TEP1: variants seen among roughly 807,000 people sequenced by gnomAD.
The protein encoded by TEP1 is telomerase protein component 1.
In TEP1, 241 loss-of-function variants were observed where a neutral mutation model predicts 306.3. That is an observed-to-expected ratio of 0.79 (90% confidence interval 0.71 to 0.88). The LOEUF (loss-of-function observed/expected upper bound fraction) is 0.88. TEP1 is among the 40% of genes least tolerant of loss of function. The probability of loss-of-function intolerance (pLI) is 0.00; values close to 1 mark genes in which losing one functional copy is unlikely to be tolerated. For synonymous variants in TEP1, 1,289 were observed against 1,305.5 expected (o/e 0.99, Z 0.27); for missense variants, 3,051 against 3,276.1 (o/e 0.93, Z 1.68).
intron 12 of TEP1, 147 bp downstream of exon 12, chr14:20,395,303 G>C: frequency 1.5e-6 from 1 of 677,430 alleles, no homozygotes; most frequent in Non-Finnish European, 2.4e-6. Flanking sequence ...AAGGTGTGCT[G>C]TGCAAGAAAC....
intron 9 of TEP1, among the ~76,000 whole-genome samples, chr14:20,400,133 G>A (rs112730924): frequency 0.071 from 6,094 of 85,550 alleles, 138 homozygotes; most frequent in South Asian, 0.12. Context: ...GCAAAACTCC[G>A]TCTCAAAAAA....
chr14:20,372,814 G>A lies in TEP1; in HGVS notation c.6995C>T (p.Thr2332Ile). ...IGALIWSSAH[T>I]FFVLSADEKI... ...CTCATCAGCACTGAGGACAAAAAAG[G>A]TGTGTGCCGAGGACCAGATCAGAGC... The change falls in exon 49 of 55, where the codon ACC (threonine) becomes ATC (isoleucine). Residue 2332 changes from threonine (T) to isoleucine (I), a missense_variant. Thr to Ile is a moderately conservative substitution (Grantham distance 89). This residue lies in a region of TEP1 where 1,540 missense variants were observed against 1,705.9 expected (regional missense o/e 0.90). Transcript: ENST00000262715. The A allele has an allele frequency of 6.2e-7, 1 of 1,614,192 alleles. No individual in the cohort carries two copies. Among genetic ancestry groups the A allele is most frequent in the South Asian group, 1.1e-5 (1 of 91,088 alleles).
In TEP1 at chr14:20,378,829, C is replaced by T. The variant is rs950582355; in HGVS notation, c.5277G>A (p.Gln1759=). 29 of 1,614,098 alleles carry T rather than the reference C, an allele frequency of 1.8e-5. No homozygotes were observed. The highest frequency in any genetic ancestry group is 2.5e-5 in the Non-Finnish European group (29 of 1,180,054). Residue 1759 remains glutamine, a synonymous_variant, in exon 37 of 55, where the codon CAG becomes CAA. Coordinates refer to ENST00000262715, the MANE Select transcript of TEP1 (RefSeq NM_007110.5). The part of the protein sequence containing the change: ...GCRVLQTKAH[Q]YQITGCCLSP... ...TCAGGCAGCAGCCAGTGATTTGGTACTGGTGAGCCTTAGTCTGCAGCACCC... is the reference window on the plus strand; with the variant it reads ...TCAGGCAGCAGCCAGTGATTTGGTATTGGTGAGCCTTAGTCTGCAGCACCC...
intron 8 of TEP1, 113 bp downstream of exon 8, chr14:20,401,344 G>A: frequency 6.7e-7 from 1 of 1,484,514 alleles, no homozygotes; most frequent in Non-Finnish European, 9.1e-7. Context: ...TACAGGGCAT[G>A]TCTGTCTAAA....
At chr14:20,392,296 T>G (rs1218576389) in intron 12 of TEP1, among the ~76,000 whole-genome samples, 1 of 152,222 alleles carries the variant, frequency 6.6e-6, no homozygotes, top group Non-Finnish European at 1.5e-5. Flanking sequence ...AACAATTGGT[T>G]CACGCAAAGA....
intron 12 of TEP1, among the ~76,000 whole-genome samples, chr14:20,393,849 G>A (rs1209930426): frequency 2.0e-5 from 3 of 151,714 alleles, no homozygotes; most frequent in Non-Finnish European, 4.4e-5. Flanking sequence ...TGGTTTGGGA[G>A]GCCAAGGTGG....
chr14:20,385,050 G>T lies in TEP1; in HGVS notation c.3042C>A (p.Asn1014Lys). ...VTEMEVMQFL[N>K]RNQRLQPSAQ... is the part of the protein sequence containing the mutation. ...CAGAGGGCTGCAGACGTTGGTTCCG[G>T]TTCAGGAACTGCATCACCTCCATCT... Residue 1014 changes from asparagine (N) to lysine (K), a missense_variant, in exon 21 of 55, where the codon AAC (asparagine) becomes AAA (lysine). Asn to Lys is a moderately conservative substitution (Grantham distance 94, BLOSUM62 0). Around this residue, in one of 3 missense-constraint regions of TEP1, gnomAD observed 1,507 missense variants for 1,550.5 expected, o/e 0.97. Transcript: ENST00000262715. 6.2e-7 allele frequency: 1 copy of T among 1,614,192 alleles called. No homozygotes were observed. The highest frequency in any genetic ancestry group is 1.1e-5 in the South Asian group (1 of 91,090).
At chr14:20,382,179 A>G in intron 29 of TEP1, 45 bp downstream of exon 29, 1 of 1,613,710 alleles carries the variant, frequency 6.2e-7, no homozygotes, top group South Asian at 1.1e-5. Flanking sequence ...ATGTAATCCG[A>G]ACCCTGGCCC....
rs201690589 is a variant in TEP1, at chr14:20,383,146, A to C, written c.4047+28T>G. On this transcript the variant is annotated intron_variant, in intron 27 of 54. Transcript: ENST00000262715. ...CATAGCTCCCAGATTCACCCCACACACCCACCGGCCCCGGCCTAGAACCCA... is the reference window on the plus strand; with the variant it reads ...CATAGCTCCCAGATTCACCCCACACCCCCACCGGCCCCGGCCTAGAACCCA... The C allele has an allele frequency of 1.9e-6, 3 of 1,555,272 alleles. No homozygotes were observed. In the African/African-American group the frequency reaches 4.1e-5, roughly 21 times the overall value.
rs1877338463 is a variant in TEP1, at chr14:20,387,907, TTGC to T, written c.2679_2681del (p.Gln894del). 2 of 1,603,568 alleles carry T rather than the reference TTGC, an allele frequency of 1.2e-6. No individual in the cohort carries two copies. Among genetic ancestry groups the T allele is most frequent in the Admixed American group, 1.8e-5 (1 of 56,780 alleles). On this transcript the variant is annotated inframe_deletion, in exon 18 of 55. Transcript: ENST00000262715. ...AAGGCATAGAAACACAGACTGACCCTTGCTGGGAAACAGGAGCCAAGGGGCTTG... is the reference window on the plus strand; with the variant it reads ...AAGGCATAGAAACACAGACTGACCCTTGGGAAACAGGAGCCAAGGGGCTTG...
chr14:20,405,673 GAC>G (rs983391112), intron 3 of TEP1, 88 bp from the exon 4 acceptor site: 10 of 1,490,792 alleles, frequency 6.7e-6, no homozygotes, highest in Non-Finnish European at 9.0e-6. Context: ...CAAAGTCAAG[GAC>G]AGAGAGAATG....
intron 20 of TEP1, 70 bp from the exon 21 acceptor site, chr14:20,385,179 C>T (rs1418728386): frequency 6.3e-7 from 1 of 1,584,006 alleles, no homozygotes; most frequent in Non-Finnish European, 8.6e-7. Context: ...CCTGCCAAGG[C>T]CCCAGGACTC....
chr14:20,378,042 C>T lies in TEP1; in HGVS notation c.5703G>A (p.Thr1901=), dbSNP rs753810659. ...AGCTGACCTTGCCATCCTCTCCAGCCGTCAGTAACTGGCAACCCGCATGCA... is the reference window on the plus strand; with the variant it reads ...AGCTGACCTTGCCATCCTCTCCAGCTGTCAGTAACTGGCAACCCGCATGCA... ...LFLHAGCQLL[T]AGEDGKVQVW... is the part of the protein sequence containing the mutation. The change falls in exon 39 of 55, where the codon ACG becomes ACA. Residue 1901 remains threonine, a synonymous_variant. Transcript: ENST00000262715. The T allele has an allele frequency of 1.8e-5, 29 of 1,613,412 alleles. No individual in the cohort carries two copies. Among genetic ancestry groups the T allele is most frequent in the African/African-American group, 5.3e-5 (4 of 74,888 alleles).
At position 20,389,602 on chromosome 14, in the gene TEP1, A is replaced by C. The variant is rs1397937773; in HGVS notation, c.2465+8T>G. 1.9e-6 allele frequency: 3 copies of C among 1,613,732 alleles called. No individual in the cohort carries two copies. Among genetic ancestry groups the C allele is most frequent in the Non-Finnish European group, 2.5e-6 (3 of 1,179,758 alleles). On this transcript the variant is annotated splice_region_variant and intron_variant, in intron 16 of 54. Transcript: ENST00000262715. ...CTGACACTGGGCAGGAAGTATAAGC[A>C]CCCTTACAGGTATTGTACCCTTCTT...
Position 20,408,177 on chromosome 14 carries a change from A to G in TEP1, c.263T>C (p.Leu88Pro). 1 of 1,612,560 alleles carries G rather than the reference A, an allele frequency of 6.2e-7. No homozygotes were observed. Among genetic ancestry groups the G allele is most frequent in the Non-Finnish European group, 8.5e-7 (1 of 1,179,836 alleles). Residue 88 changes from leucine to proline, a missense_variant, in exon 2 of 55, where the codon CTG becomes CCG. By Grantham distance (98) the Leu-to-Pro change is moderately conservative. Transcript: ENST00000262715. Reference protein sequence around the residue: ...ENQCLATLSDLKTMEKPHGHV... With the variant: ...ENQCLATLSDPKTMEKPHGHV... The stretch of plus-strand genomic sequence containing the variant: ...TCCATGTGGTTTCTCCATGGTCTTC[A>G]GGTCAGAAAGTGTGGCCAGGCACTG...
intron 46 of TEP1, 21 bp downstream of exon 46, chr14:20,373,486 C>G (rs1439669119): frequency 6.2e-7 from 1 of 1,614,244 alleles, no homozygotes; most frequent in Non-Finnish European, 8.5e-7. Context: ...TCCCTTGACT[C>G]TGGTCCTTGC....
intron 17 of TEP1, 26 bp from the exon 18 acceptor site, chr14:20,388,089 G>A: frequency 1.2e-6 from 2 of 1,613,002 alleles, no homozygotes; most frequent in Non-Finnish European, 1.7e-6. Flanking sequence ...AGATAAATGA[G>A]AGTAGAATAC....
chr14:20,384,743 T>A, intron 21 of TEP1, 30 bp from the exon 22 acceptor site: 2 of 1,598,904 alleles, frequency 1.3e-6, no homozygotes, highest in Non-Finnish European at 1.7e-6. Context: ...AAAGTTGGAA[T>A]AGACTCAGAC....
chr14:20,410,394 G>A (rs1303765784), intron 1 of TEP1, among the ~76,000 whole-genome samples: 1 of 152,106 alleles, frequency 6.6e-6, no homozygotes, highest in Non-Finnish European at 1.5e-5. Context: ...CTTGAGCCCA[G>A]GAGTTTAAAA....
Sources: allele counts gnomAD v4.1 joint callset (sites outside exome capture counted in the v4.1 genomes callset), GRCh38; gene constraint gnomAD v4.1.1; regional missense constraint gnomAD v4.1.1; transcripts MANE v1.5; gene names NCBI Gene and HGNC (gene_info 2026-07-23, HGNC 2026-07-21).